CDH18: variants seen among roughly 807,000 people sequenced by gnomAD.
CDH18 encodes cadherin-18.
Under a neutral mutation model 67.9 loss-of-function variants are expected in CDH18, and 31 were observed. The observed-to-expected ratio is 0.46, with a 90% confidence interval of 0.34 to 0.62. CDH18 has a LOEUF of 0.62. CDH18 is among the 20% of genes least tolerant of loss of function. The pLI is 0.01. For synonymous variants in CDH18, 362 were observed against 347.2 expected (o/e 1.04, Z -0.48); for missense variants, 890 against 975.5 (o/e 0.91, Z 1.17).
chr5:20,099,868 C>T (rs935751450), intron 2 of CDH18, among the ~76,000 whole-genome samples: 4 of 152,134 alleles, frequency 2.6e-5, no homozygotes, highest in Admixed American at 2.0e-4. Context: ...ACTGCAACCT[C>T]CACCTCCTAG....
intron 2 of CDH18, among the ~76,000 whole-genome samples, chr5:19,980,682 C>T (rs1798943402): frequency 1.3e-5 from 2 of 151,510 alleles, no homozygotes; most frequent in Admixed American, 1.3e-4. Context: ...TTAACATTTT[C>T]TCTCATATTC....
chr5:19,613,952 T>C (rs544342047), intron 5 of CDH18, among the ~76,000 whole-genome samples: 15 of 152,234 alleles, frequency 9.9e-5, no homozygotes, highest in African/African-American at 3.6e-4. Flanking sequence ...ATTAAAAATA[T>C]TTGAAGCATG....
At chr5:20,565,033 G>A (rs1422626071) in intron 1 of CDH18, among the ~76,000 whole-genome samples, 4 of 152,154 alleles carry the variant, frequency 2.6e-5, no homozygotes, top group Non-Finnish European at 5.9e-5. Context: ...TTTAAAAATT[G>A]ACATATTTTT....
intron 1 of CDH18, among the ~76,000 whole-genome samples, chr5:20,526,996 AG>A (rs1756107181): frequency 2.0e-5 from 3 of 152,072 alleles, no homozygotes; most frequent in Admixed American, 2.0e-4. Context: ...CCCAAAGCAA[AG>A]AAGCTAAGAA....
intron 2 of CDH18, among the ~76,000 whole-genome samples, chr5:19,952,770 A>G (rs1795923542): frequency 6.6e-6 from 1 of 152,100 alleles, no homozygotes; most frequent in Non-Finnish European, 1.5e-5. Flanking sequence ...TTCAAACCTC[A>G]TATAACATAT....
At chr5:20,507,265 G>A (rs1001730640) in intron 1 of CDH18, among the ~76,000 whole-genome samples, 8 of 152,138 alleles carry the variant, frequency 5.3e-5, no homozygotes, top group Non-Finnish European at 1.0e-4. Context: ...CAACCTCTAC[G>A]TTTTTGGTGG....
chr5:20,013,530 C>T (rs1389511091), intron 2 of CDH18, among the ~76,000 whole-genome samples: 1 of 151,960 alleles, frequency 6.6e-6, no homozygotes, highest in Non-Finnish European at 1.5e-5. Context: ...ATTTTCAATG[C>T]TTCTTCGTAT....
intron 8 of CDH18, among the ~76,000 whole-genome samples, chr5:19,551,749 A>G (rs1036113763): frequency 1.3e-5 from 2 of 152,176 alleles, no homozygotes; most frequent in African/African-American, 2.4e-5. Context: ...CGACTGCACT[A>G]TAAACAGAGT....
chr5:20,518,266 A>G (rs530983516), intron 1 of CDH18, among the ~76,000 whole-genome samples: 126 of 152,232 alleles, frequency 8.3e-4, no homozygotes, highest in Non-Finnish European at 1.5e-3. Context: ...CTTCTTCCAT[A>G]ATAACTAGAA....
intron 1 of CDH18, among the ~76,000 whole-genome samples, chr5:20,476,982 C>T (rs943487965): frequency 3.9e-5 from 6 of 151,912 alleles, no homozygotes; most frequent in African/African-American, 4.8e-5. Flanking sequence ...CTTTTCCTTG[C>T]GTTTGTGTCT....
At chr5:20,449,227 T>G (rs1354719613) in intron 1 of CDH18, among the ~76,000 whole-genome samples, 1 of 152,152 alleles carries the variant, frequency 6.6e-6, no homozygotes, top group Admixed American at 6.5e-5. Context: ...CTATCATAAG[T>G]AACATATCAT....
At chr5:20,076,156 C>A (rs1743913553) in intron 2 of CDH18, among the ~76,000 whole-genome samples, 1 of 151,964 alleles carries the variant, frequency 6.6e-6, no homozygotes, top group Non-Finnish European at 1.5e-5. Flanking sequence ...ATTTATTTTT[C>A]CATGTTGTTT....
intron 8 of CDH18, among the ~76,000 whole-genome samples, chr5:19,569,853 A>G (rs62349540): frequency 0.074 from 11,256 of 152,218 alleles, 456 homozygotes; most frequent in African/African-American, 0.089. Context: ...TCATATGAAT[A>G]TGTCAAATTA....
intron 2 of CDH18, among the ~76,000 whole-genome samples, chr5:20,024,075 C>T (rs898683652): frequency 1.3e-5 from 2 of 152,188 alleles, no homozygotes; most frequent in Non-Finnish European, 2.9e-5. Flanking sequence ...TCACCATATC[C>T]ATCACATATT....
At chr5:20,191,861 T>C (rs1188483749) in intron 2 of CDH18, among the ~76,000 whole-genome samples, 1 of 152,190 alleles carries the variant, frequency 6.6e-6, no homozygotes, top group Non-Finnish European at 1.5e-5. Flanking sequence ...TATATTCTTT[T>C]GGGTATATAT....
chr5:20,270,776 A>C (rs764503764), intron 1 of CDH18, among the ~76,000 whole-genome samples: 2 of 151,528 alleles, frequency 1.3e-5, no homozygotes, highest in Non-Finnish European at 3.0e-5. Context: ...CAGGTGCTAT[A>C]TATAGGACAT....
rs535169545 is a variant in CDH18 at position 19,492,886 on chromosome 5, A to G, written c.1631-9334T>C. 2.4e-4 allele frequency among the ~76,000 whole-genome samples: 37 copies of G among 152,294 alleles called. 1 individual carries two copies. In the South Asian group the frequency reaches 7.7e-3, roughly 32 times the overall value. On this transcript the variant is annotated intron_variant, in intron 11 of 12. Coordinates refer to ENST00000382275, the MANE Select transcript of CDH18 (RefSeq NM_004934.5). ...ACCACAATTTGGTACTAAAGCAACT[A>G]AAGAATGAATGTCAGAGTATCTTAT...
At chr5:19,717,497 C>T (rs1250930345) in intron 5 of CDH18, among the ~76,000 whole-genome samples, 2 of 152,000 alleles carry the variant, frequency 1.3e-5, no homozygotes, top group African/African-American at 4.8e-5. Flanking sequence ...GGAACTAGTT[C>T]TTTTGTGTAG....
intron 2 of CDH18, among the ~76,000 whole-genome samples, chr5:20,066,995 G>A (rs1743033239): frequency 6.7e-6 from 1 of 149,474 alleles, no homozygotes; most frequent in African/African-American, 2.5e-5. Context: ...ACCAACCACT[G>A]ATAAATATAT....
Sources: allele counts gnomAD v4.1 joint callset (sites outside exome capture counted in the v4.1 genomes callset), GRCh38; gene constraint gnomAD v4.1.1; transcripts MANE v1.5; gene names NCBI Gene and HGNC (gene_info 2026-07-23, HGNC 2026-07-21).